The following CACNA1C variants were observed in gnomAD, a reference collection of about 807,000 sequenced individuals.
The protein encoded by CACNA1C is voltage-dependent L-type calcium channel subunit alpha-1C.
CACNA1C carries 30 observed loss-of-function variants against 229.0 expected under a neutral mutation model. The observed-to-expected ratio is 0.13, with a 90% CI of 0.10 to 0.18. CACNA1C has a LOEUF of 0.18. CACNA1C is among the 10% of genes least tolerant of loss of function. The probability of loss-of-function intolerance (pLI) is 1.00; values close to 1 mark genes in which losing one functional copy is unlikely to be tolerated. For synonymous variants in CACNA1C, 1,114 were observed against 1,132.5 expected, an observed-to-expected ratio of 0.98 and a Z score of 0.33; for missense variants, 1,658 against 2,845.0, an observed-to-expected ratio of 0.58 and a Z score of 9.49.
At chr12:2,329,980 T>C (rs2154513640) in intron 3 of CACNA1C, among the ~76,000 whole-genome samples, 1 of 152,346 alleles carries the variant, frequency 6.6e-6, no homozygotes, top group Non-Finnish European at 1.5e-5. Flanking sequence ...TTAGGGGCCG[T>C]GTTGTTTGAA....
At chr12:2,075,556 T>G (rs2062878200) in intron 1 of CACNA1C, among the ~76,000 whole-genome samples, 1 of 152,254 alleles carries the variant, frequency 6.6e-6, no homozygotes, top group African/African-American at 2.4e-5. Context: ...CTAAAACGCT[T>G]TGCCATGTTT....
Position 2,582,878 on chromosome 12 carries a change from C to T in CACNA1C, c.2160C>T (p.Gly720=). The part of the protein sequence containing the change: ...SVMYDGIMAY[G]GPSFPGMLVC... ...TGTATGATGGGATCATGGCTTATGG[C>T]GGCCCCTCTTTTCCAGGGATGTTAG... Residue 720 remains glycine, a synonymous_variant, in exon 15 of 47, where the codon GGC becomes GGT. Coordinates refer to ENST00000399655, the MANE Select transcript of CACNA1C (RefSeq NM_000719.7). 1 of 1,609,378 alleles carries T rather than the reference C, an allele frequency of 6.2e-7. No individual in the cohort carries two copies. The highest frequency in any genetic ancestry group is 8.5e-7 in the Non-Finnish European group (1 of 1,177,076).
intron 13 of CACNA1C, among the ~76,000 whole-genome samples, chr12:2,573,923 GA>G (rs973321560): frequency 2.8e-4 from 43 of 152,168 alleles, no homozygotes; most frequent in African/African-American, 9.9e-4. Context: ...TCATTATGAG[GA>G]AAATGAATTA....
At chr12:2,524,995 ATAATTTT>A (rs1171893101) in intron 9 of CACNA1C, among the ~76,000 whole-genome samples, 1 of 152,222 alleles carries the variant, frequency 6.6e-6, no homozygotes, top group Non-Finnish European at 1.5e-5. Flanking sequence ...TAGAAGCAAA[ATAATTTT>A]TAAAAGAAGG....
At chr12:2,423,599 G>A (rs1206923192) in intron 3 of CACNA1C, among the ~76,000 whole-genome samples, 2 of 152,166 alleles carry the variant, frequency 1.3e-5, no homozygotes, top group Non-Finnish European at 2.9e-5. Context: ...TAGAGGTGGT[G>A]GAGGTAGCAA....
intron 1 of CACNA1C, among the ~76,000 whole-genome samples, chr12:2,021,952 C>T (rs1439270385): frequency 6.6e-6 from 1 of 152,158 alleles, no homozygotes; most frequent in Non-Finnish European, 1.5e-5. Context: ...CAGACTATCG[C>T]AAGTACAGCA....
intron 13 of CACNA1C, among the ~76,000 whole-genome samples, chr12:2,577,870 CTTTT>C (rs34284324): frequency 2.9e-5 from 4 of 138,088 alleles, no homozygotes; most frequent in Non-Finnish European, 1.6e-5. Flanking sequence ...AGTAATTATT[CTTTT>C]TTTTTTTTTT....
intron 3 of CACNA1C, among the ~76,000 whole-genome samples, chr12:2,259,234 C>T (rs1344555893): frequency 6.6e-6 from 1 of 152,176 alleles, no homozygotes; most frequent in Non-Finnish European, 1.5e-5. Flanking sequence ...CCCCACACCC[C>T]GCCCTGCCCC....
intron 3 of CACNA1C, among the ~76,000 whole-genome samples, chr12:2,233,419 T>A (rs1330681477): frequency 6.6e-6 from 1 of 152,262 alleles, no homozygotes; most frequent in Non-Finnish European, 1.5e-5. Flanking sequence ...AAATTCTGCC[T>A]TTAACAAGTT....
chr12:2,669,468 C>T (rs763949860), intron 38 of CACNA1C, among the ~76,000 whole-genome samples: 1 of 152,206 alleles, frequency 6.6e-6, no homozygotes, highest in Non-Finnish European at 1.5e-5. Flanking sequence ...CTAGCTTATT[C>T]ATTTTGAACT....
intron 3 of CACNA1C, among the ~76,000 whole-genome samples, chr12:2,218,770 A>G (rs901628704): frequency 6.6e-6 from 1 of 152,218 alleles, no homozygotes; most frequent in African/African-American, 2.4e-5. Flanking sequence ...AATACAAAAC[A>G]GGGAGGTTCT....
chr12:2,323,100 G>C (rs148380925), intron 3 of CACNA1C, among the ~76,000 whole-genome samples: 1 of 151,782 alleles, frequency 6.6e-6, no homozygotes, highest in Non-Finnish European at 1.5e-5. Flanking sequence ...CTCCCTCCCC[G>C]CCTTCCTCCT....
At chr12:2,366,594 A>G (rs2097725272) in intron 3 of CACNA1C, among the ~76,000 whole-genome samples, 1 of 152,220 alleles carries the variant, frequency 6.6e-6, no homozygotes, top group South Asian at 2.1e-4. Flanking sequence ...TTTAATACGT[A>G]TAAAGGTTAA....
rs1307865315 is a variant in CACNA1C at position 2,690,890 on chromosome 12, G to A, written c.6118-10G>A. The A allele has an allele frequency of 1.3e-6, 2 of 1,549,322 alleles. No individual in the cohort carries two copies. On this transcript the variant is annotated splice_polypyrimidine_tract_variant and intron_variant, in intron 46 of 46. Transcript: ENST00000399655. Reference sequence around the variant, plus strand: ...TTTGGTTCTTCATGGCTCCCACCCCGCTCCTTCAGGTCTTGATTTCAGAAG... The same window carrying A: ...TTTGGTTCTTCATGGCTCCCACCCCACTCCTTCAGGTCTTGATTTCAGAAG...
intron 29 of CACNA1C, among the ~76,000 whole-genome samples, chr12:2,626,795 T>TG (rs1398086857): frequency 6.6e-6 from 1 of 152,096 alleles, no homozygotes; most frequent in Non-Finnish European, 1.5e-5. Flanking sequence ...CTGCTCTCAG[T>TG]GGGGAAGATG....
At chr12:2,232,837 A>G (rs922500699) in intron 3 of CACNA1C, among the ~76,000 whole-genome samples, 51 of 152,142 alleles carry the variant, frequency 3.4e-4, no homozygotes, top group African/African-American at 1.2e-3. Context: ...GTAATAATCC[A>G]CTACTACTGT....
At position 2,630,028 on chromosome 12, in the gene CACNA1C, G is replaced by A. The variant is rs2089592510; in HGVS notation, c.3829-4269G>A. 6.6e-6 allele frequency among the ~76,000 whole-genome samples: 1 copy of A among 152,190 alleles called. No homozygotes were observed. Among genetic ancestry groups the A allele is most frequent in the South Asian group, 2.1e-4 (1 of 4,834 alleles). ...TCAGCCTGTGGGATTGGGGGATGGC[G>A]AGGGCAAGGCTTCCAGCTGCAAAAA... is the stretch of plus-strand genomic sequence containing the variant. On this transcript the variant is annotated intron_variant, in intron 29 of 46. Coordinates refer to ENST00000399655, the MANE Select transcript of CACNA1C (RefSeq NM_000719.7). The surrounding 1 kb of genome is among the most constrained non-coding windows in gnomAD (Gnocchi z 5.4).
At chr12:2,193,423 C>G (rs1037821045) in intron 3 of CACNA1C, among the ~76,000 whole-genome samples, 2 of 152,116 alleles carry the variant, frequency 1.3e-5, no homozygotes, top group Non-Finnish European at 2.9e-5. Flanking sequence ...CCATTGAACT[C>G]CAGCCTGGGC....
intron 30 of CACNA1C, among the ~76,000 whole-genome samples, chr12:2,643,702 C>A (rs1283132816): frequency 2.0e-5 from 3 of 152,146 alleles, no homozygotes; most frequent in African/African-American, 7.2e-5. Context: ...ATAAAAGGAT[C>A]GTGAGGATCC....
Sources: gnomAD v4.1 joint callset for allele counts (sites outside exome capture counted in the v4.1 genomes callset) on GRCh38, gnomAD v4.1.1 for gene constraint, Gnocchi (gnomAD v3.1) non-coding constraint, MANE v1.5 for transcripts, NCBI Gene and HGNC (gene_info 2026-07-23, HGNC 2026-07-21) for gene names.